Variants in ASAP1 observed in about 807,000 individuals in gnomAD.
The protein encoded by ASAP1 is arf-GAP with SH3 domain, ANK repeat and PH domain-containing protein 1.
A neutral mutation model predicts 145.2 loss-of-function variants in ASAP1; 43 were observed. That is an observed-to-expected ratio of 0.30 (90% CI 0.23 to 0.38). The LOEUF (loss-of-function observed/expected upper bound fraction) is 0.38. Ranked by LOEUF, ASAP1 falls within the 10% of genes least tolerant of loss-of-function variation. The pLI is 1.00. For synonymous variants in ASAP1, 546 were observed against 515.5 expected (o/e 1.06, Z -0.80); for missense variants, 1,018 against 1,355.3 (o/e 0.75, Z 3.91).
chr8:130,240,539 G>C (rs1818461135), intron 3 of ASAP1, among the ~76,000 whole-genome samples: 1 of 152,104 alleles, frequency 6.6e-6, no homozygotes, highest in Non-Finnish European at 1.5e-5. Context: ...TAAGGGCTAA[G>C]AGAAAAATGG....
intron 3 of ASAP1, among the ~76,000 whole-genome samples, chr8:130,344,699 T>C (rs1033614232): frequency 2.6e-5 from 4 of 152,176 alleles, no homozygotes; most frequent in African/African-American, 9.7e-5. Context: ...ATTATGTCAC[T>C]GCATTCCAGC....
intron 3 of ASAP1, among the ~76,000 whole-genome samples, chr8:130,272,416 C>T (rs571213822): frequency 6.6e-6 from 1 of 152,224 alleles, no homozygotes; most frequent in Non-Finnish European, 1.5e-5. Flanking sequence ...AGTACAGTCG[C>T]TGTGAAAAAG....
intron 2 of ASAP1, among the ~76,000 whole-genome samples, chr8:130,366,867 C>CAGGT (rs947402695): frequency 9.0e-5 from 13 of 145,208 alleles, no homozygotes; most frequent in Non-Finnish European, 1.8e-4. Context: ...GCATTCTAAA[C>CAGGT]AGGTACTATG....
intron 3 of ASAP1, among the ~76,000 whole-genome samples, chr8:130,291,947 C>T (rs560858679): frequency 1.8e-4 from 28 of 152,294 alleles, no homozygotes; most frequent in African/African-American, 6.7e-4. Context: ...TGATGCTTGT[C>T]TATTCACTGT....
chr8:130,099,426 CATCGT>C, intron 24 of ASAP1, among the ~76,000 whole-genome samples: 1 of 152,146 alleles, frequency 6.6e-6, no homozygotes, highest in African/African-American at 2.4e-5. Flanking sequence ...GTGATCCGCC[CATCGT>C]GGCCTCCAAA....
intron 27 of ASAP1, among the ~76,000 whole-genome samples, chr8:130,072,791 A>ATGTGTGTGTGTGTGTG (rs1491261390): frequency 0.011 from 963 of 91,180 alleles, 81 homozygotes; most frequent in African/African-American, 0.037. Context: ...CTTGCAATTG[A>ATGTGTGTGTGTGTGTG]TATGTGTGTG....
intron 3 of ASAP1, among the ~76,000 whole-genome samples, chr8:130,284,158 AG>A (rs1292800764): frequency 6.6e-6 from 1 of 152,202 alleles, no homozygotes; most frequent in African/African-American, 2.4e-5. Flanking sequence ...CCGAATGTGT[AG>A]GGCGTCTTGA....
At chr8:130,292,324 A>C (rs1376428110) in intron 3 of ASAP1, among the ~76,000 whole-genome samples, 1 of 152,212 alleles carries the variant, frequency 6.6e-6, no homozygotes, top group Non-Finnish European at 1.5e-5. Context: ...GTGGGTAATA[A>C]GATGTGCAGT....
chr8:130,311,542 A>AGACAAG lies in ASAP1; in HGVS notation c.186+46474_186+46475insCTTGTC, dbSNP rs1823343095. The stretch of plus-strand genomic sequence containing the variant: ...TTTGGGAGGCCAAGGCGGGAGGATC[A>AGACAAG]CCTGAGGTTGGAAGTTCGAGACAAG... On this transcript the variant is annotated intron_variant, in intron 3 of 29. Coordinates refer to ENST00000518721, the MANE Select transcript of ASAP1 (RefSeq NM_018482.4). Among the ~76,000 whole-genome samples, 8 of 152,270 alleles carry AGACAAG rather than the reference A, an allele frequency of 5.3e-5. No homozygotes were observed. The South Asian group carries it at 1.5e-3, about 28-fold the overall frequency.
intron 3 of ASAP1, among the ~76,000 whole-genome samples, chr8:130,299,203 T>C (rs1822471621): frequency 6.6e-6 from 1 of 152,116 alleles, no homozygotes; most frequent in Non-Finnish European, 1.5e-5. Context: ...CGACAGAGGC[T>C]GTGAAGCGTT....
intron 3 of ASAP1, among the ~76,000 whole-genome samples, chr8:130,297,158 C>A (rs545554774): frequency 6.6e-6 from 1 of 152,128 alleles, no homozygotes; most frequent in Non-Finnish European, 1.5e-5. Context: ...ATGGGCCAGG[C>A]GCTGCACTGG....
At chr8:130,167,676 G>T in intron 10 of ASAP1, 54 bp from the exon 11 acceptor site, 1 of 1,326,110 alleles carries the variant, frequency 7.5e-7, no homozygotes, top group Non-Finnish European at 1.1e-6. Flanking sequence ...CACAGGCAGA[G>T]TTTAATTTAT....
intron 9 of ASAP1, 155 bp downstream of exon 9, chr8:130,179,109 A>T (rs1377325153): frequency 5.9e-6 from 3 of 508,268 alleles, no homozygotes; most frequent in Non-Finnish European, 1.1e-5. Context: ...CTGAAGATGG[A>T]AGACACTATT....
chr8:130,076,971 C>CT (rs559219037), intron 26 of ASAP1, among the ~76,000 whole-genome samples: 118 of 152,228 alleles, frequency 7.8e-4, no homozygotes, highest in Non-Finnish European at 1.5e-3. Flanking sequence ...CTGGCACACT[C>CT]TAAGTGGTGA....
At chr8:130,152,373 GT>G (rs1229561846) in intron 13 of ASAP1, among the ~76,000 whole-genome samples, 1 of 152,068 alleles carries the variant, frequency 6.6e-6, no homozygotes, top group African/African-American at 2.4e-5. Context: ...TACCACCAAG[GT>G]TTTTACATCT....
intron 4 of ASAP1, among the ~76,000 whole-genome samples, chr8:130,217,277 A>G (rs919630712): frequency 6.6e-6 from 1 of 152,192 alleles, no homozygotes; most frequent in Non-Finnish European, 1.5e-5. Flanking sequence ...TAAATGAATA[A>G]ATAGATATTT....
At chr8:130,351,061 G>A (rs937985690) in intron 3 of ASAP1, among the ~76,000 whole-genome samples, 2 of 152,200 alleles carry the variant, frequency 1.3e-5, no homozygotes, top group Admixed American at 6.5e-5. Flanking sequence ...CCAGCAAGAG[G>A]TCTCAGAAGA....
chr8:130,361,550 C>A (rs574831172), intron 2 of ASAP1: 13 of 755,320 alleles, frequency 1.7e-5, no homozygotes, highest in Non-Finnish European at 2.3e-5. Flanking sequence ...ATCTGCTCCT[C>A]CCCCATCTCC....
chr8:130,065,850 T>C (rs1028826104), intron 27 of ASAP1, among the ~76,000 whole-genome samples: 4 of 152,194 alleles, frequency 2.6e-5, no homozygotes, highest in African/African-American at 4.8e-5. Context: ...CTCACTGTTC[T>C]TTCCTGCCTT....
Sources: allele counts gnomAD v4.1 joint callset (sites outside exome capture counted in the v4.1 genomes callset), GRCh38; gene constraint gnomAD v4.1.1; transcripts MANE v1.5; gene names NCBI Gene and HGNC (gene_info 2026-07-23, HGNC 2026-07-21).